Variants in STXBP4 observed in about 807,000 individuals in gnomAD.
The protein encoded by STXBP4 is syntaxin-binding protein 4.
A neutral mutation model predicts 76.1 loss-of-function variants in STXBP4; 55 were observed. The observed-to-expected ratio is 0.72, with a 90% CI of 0.58 to 0.91. The LOEUF is 0.91. STXBP4 is among the 40% of genes least tolerant of loss of function. STXBP4 has a pLI of 0.00. For synonymous variants in STXBP4, 201 were observed against 220.2 expected, an observed-to-expected ratio of 0.91 and a Z score of 0.77; for missense variants, 618 against 636.9, an observed-to-expected ratio of 0.97 and a Z score of 0.32.
chr17:55,074,185 A>G (rs975747405), intron 13 of STXBP4, among the ~76,000 whole-genome samples: 22 of 152,348 alleles, frequency 1.4e-4, no homozygotes, highest in African/African-American at 5.3e-4. Context: ...AAAAAGTTAA[A>G]TACTTTAAAT....
intron 16 of STXBP4, among the ~76,000 whole-genome samples, chr17:55,096,256 G>C (rs1233524117): frequency 6.6e-6 from 1 of 151,934 alleles, no homozygotes; most frequent in African/African-American, 2.4e-5. Context: ...CCCTGGCTCA[G>C]GTGATCCTCC....
chr17:55,198,447 A>G, the STXBP4 span, among the ~76,000 whole-genome samples: 1 of 152,196 alleles, frequency 6.6e-6, no homozygotes, highest in Non-Finnish European at 1.5e-5. Context: ...TGTATGCCAC[A>G]TTGAACTAAT....
At chr17:55,125,479 C>CAAAAAAAAAAAAAAAAAAAAA (rs10632680) in intron 16 of STXBP4, among the ~76,000 whole-genome samples, 13 of 91,766 alleles carry the variant, frequency 1.4e-4, no homozygotes, top group South Asian at 4.5e-4. Context: ...GGACAAAATA[C>CAAAAAAAAAAAAAAAAAAAAA]AAAAAAAAAA....
intron 4 of STXBP4, among the ~76,000 whole-genome samples, chr17:54,995,150 A>T (rs1010676169): frequency 1.8e-4 from 28 of 152,314 alleles, no homozygotes; most frequent in African/African-American, 6.5e-4. Context: ...TGCCTGACAC[A>T]TACATACTTG....
At chr17:55,129,680 A>G (rs775272199) in intron 16 of STXBP4, among the ~76,000 whole-genome samples, 2 of 152,202 alleles carry the variant, frequency 1.3e-5, no homozygotes, top group African/African-American at 2.4e-5. Flanking sequence ...TATTTTTCTT[A>G]GTTACATTTT....
intron 16 of STXBP4, among the ~76,000 whole-genome samples, chr17:55,088,578 G>A (rs2079369300): frequency 6.6e-6 from 1 of 152,032 alleles, no homozygotes; most frequent in Non-Finnish European, 1.5e-5. Flanking sequence ...TGTATTTTTA[G>A]TAGAGACAGG....
chr17:55,164,434 A>ATTTTTTTTTT lies in STXBP4; in HGVS notation c.*4526_*4527insTTTTTTTTTT. 1 of 76,618 alleles carries ATTTTTTTTTT rather than the reference A, an allele frequency of 1.3e-5. No homozygotes were observed. Among genetic ancestry groups the ATTTTTTTTTT allele is most frequent in the Non-Finnish European group, 2.7e-5 (1 of 36,792 alleles). 4.7% of individuals were successfully genotyped at this position (76,618 alleles called of 1,614,324 possible). On this transcript the variant is annotated 3_prime_UTR_variant, in exon 18 of 18. Coordinates refer to ENST00000376352, the MANE Select transcript of STXBP4 (RefSeq NM_178509.6). ...TTCTCTATATCACTCTACCCTGTTT[A>ATTTTTTTTTT]TTTCTTTTTTTTTTTTTTTTTTTTT...
chr17:55,042,073 C>G (rs1311719977), intron 10 of STXBP4, among the ~76,000 whole-genome samples: 2 of 151,990 alleles, frequency 1.3e-5, no homozygotes, highest in Non-Finnish European at 2.9e-5. Flanking sequence ...TGTGACAGAC[C>G]AAAAAGAACC....
At chr17:55,112,967 G>A (rs1416923941) in intron 16 of STXBP4, among the ~76,000 whole-genome samples, 6 of 152,118 alleles carry the variant, frequency 3.9e-5, no homozygotes, top group Admixed American at 3.9e-4. Context: ...AAACATTTGT[G>A]ACTTTTAGAA....
intron 8 of STXBP4, among the ~76,000 whole-genome samples, chr17:55,023,942 A>G (rs891672642): frequency 3.6e-5 from 5 of 140,526 alleles, no homozygotes; most frequent in African/African-American, 1.3e-4. Flanking sequence ...AAAAAAAAAG[A>G]AAACACTAGA....
chr17:55,038,333 A>G (rs2078639758), intron 10 of STXBP4, among the ~76,000 whole-genome samples: 2 of 152,064 alleles, frequency 1.3e-5, no homozygotes, highest in African/African-American at 4.8e-5. Context: ...TGGAACCAGT[A>G]TTTTGACTTA....
chr17:54,969,342 C>T (rs1477794693), intron 1 of STXBP4, among the ~76,000 whole-genome samples: 1 of 152,132 alleles, frequency 6.6e-6, no homozygotes. Context: ...TTCAGTTGTC[C>T]CACAGGACGA....
the STXBP4 span, among the ~76,000 whole-genome samples, chr17:55,184,733 T>C: frequency 6.6e-6 from 1 of 152,190 alleles, no homozygotes; most frequent in East Asian, 1.9e-4. Flanking sequence ...AACTAATAAA[T>C]GTTTTCTTGG....
chr17:54,972,163 T>C (rs2077410461), intron 1 of STXBP4, among the ~76,000 whole-genome samples: 1 of 152,248 alleles, frequency 6.6e-6, no homozygotes, highest in South Asian at 2.1e-4. Flanking sequence ...GTTTCTCTGT[T>C]ACAAGGTGAA....
intron 17 of STXBP4, among the ~76,000 whole-genome samples, chr17:55,158,699 A>T (rs1431696992): frequency 2.6e-5 from 4 of 152,160 alleles, no homozygotes; most frequent in Non-Finnish European, 5.9e-5. Context: ...TATTTCCCTG[A>T]AACACTTTTC....
At chr17:55,024,812 A>G (rs1166205976) in intron 8 of STXBP4, among the ~76,000 whole-genome samples, 1 of 152,202 alleles carries the variant, frequency 6.6e-6, no homozygotes, top group Non-Finnish European at 1.5e-5. Context: ...AGCCTCCTGC[A>G]TCAGCCCAAA....
chr17:55,026,536 A>G (rs1289399820), intron 8 of STXBP4, among the ~76,000 whole-genome samples: 1 of 152,188 alleles, frequency 6.6e-6, no homozygotes, highest in African/African-American at 2.4e-5. Flanking sequence ...GAGCCAGCCA[A>G]AAAACTAAGT....
At chr17:55,015,991 C>A (rs1056187284) in intron 8 of STXBP4, among the ~76,000 whole-genome samples, 1 of 152,196 alleles carries the variant, frequency 6.6e-6, no homozygotes, top group Non-Finnish European at 1.5e-5. Flanking sequence ...CCAGGCAGTA[C>A]TGCAGAAGAA....
intron 17 of STXBP4, among the ~76,000 whole-genome samples, chr17:55,154,354 C>A (rs560130600): frequency 6.6e-6 from 1 of 152,310 alleles, no homozygotes; most frequent in South Asian, 2.1e-4. Context: ...TAGGCAGCTG[C>A]CACCTGGCAG....
Sources: gnomAD v4.1 joint callset for allele counts (sites outside exome capture counted in the v4.1 genomes callset) on GRCh38, gnomAD v4.1.1 for gene constraint, MANE v1.5 for transcripts, NCBI Gene and HGNC (gene_info 2026-07-23, HGNC 2026-07-21) for gene names.